RGS6: variants seen among roughly 807,000 people sequenced by gnomAD.
RGS6 encodes regulator of G-protein signaling 6.
Under a neutral mutation model 78.5 loss-of-function variants are expected in RGS6, and 30 were observed. That is an observed-to-expected ratio of 0.38 (90% CI 0.29 to 0.52). The LOEUF (loss-of-function observed/expected upper bound fraction) is 0.52, where lower values mean the gene tolerates loss of function less well. RGS6 is among the 20% of genes least tolerant of loss of function. The pLI is 0.85. For missense variants in RGS6, 495 were observed against 609.7 expected (o/e 0.81, Z 1.98); for synonymous variants, 206 against 206.0 (o/e 1.00, Z 0.00).
At chr14:72,029,282 C>T (rs2090446587) in intron 2 of RGS6, among the ~76,000 whole-genome samples, 1 of 152,206 alleles carries the variant, frequency 6.6e-6, no homozygotes, top group African/African-American at 2.4e-5. Flanking sequence ...AGAACTTGTA[C>T]AACAGTGGCC....
intron 3 of RGS6, among the ~76,000 whole-genome samples, chr14:72,411,044 T>C (rs1052017760): frequency 3.3e-5 from 5 of 152,152 alleles, no homozygotes; most frequent in South Asian, 2.1e-4. Flanking sequence ...ATTGACTTGG[T>C]AATGCGGGCT....
chr14:72,156,473 A>T (rs2096773263), intron 2 of RGS6, among the ~76,000 whole-genome samples: 1 of 151,692 alleles, frequency 6.6e-6, no homozygotes, highest in South Asian at 2.1e-4. Context: ...AAAAAAAAAA[A>T]AAAAATAGTG....
chr14:72,410,789 CT>C (rs2093351370), intron 3 of RGS6, among the ~76,000 whole-genome samples: 1 of 152,210 alleles, frequency 6.6e-6, no homozygotes, highest in Non-Finnish European at 1.5e-5. Flanking sequence ...CTACATATGG[CT>C]AGCCAGTTTT....
chr14:72,546,605 C>A (rs901683564), intron 17 of RGS6, among the ~76,000 whole-genome samples: 1 of 152,212 alleles, frequency 6.6e-6, no homozygotes, highest in Non-Finnish European at 1.5e-5. Flanking sequence ...GACTCACCTT[C>A]TGGACATGTG....
the RGS6 span, among the ~76,000 whole-genome samples, chr14:71,899,606 C>A: frequency 6.6e-6 from 1 of 152,204 alleles, no homozygotes; most frequent in Non-Finnish European, 1.5e-5. Context: ...CAGGCCTAAA[C>A]CAATCAATAT....
intron 2 of RGS6, among the ~76,000 whole-genome samples, chr14:72,108,624 T>A (rs1265464354): frequency 6.6e-6 from 1 of 152,010 alleles, no homozygotes; most frequent in African/African-American, 2.4e-5. Context: ...TTTTGATTTT[T>A]TTAAAAAAAT....
chr14:72,520,106 A>G (rs2097013943), intron 15 of RGS6, among the ~76,000 whole-genome samples: 1 of 152,160 alleles, frequency 6.6e-6, no homozygotes, highest in Non-Finnish European at 1.5e-5. Flanking sequence ...TTACTTTACA[A>G]CAAATCCAAG....
At chr14:72,498,141 TTAA>T (rs562779242) in intron 13 of RGS6, among the ~76,000 whole-genome samples, 1 of 152,200 alleles carries the variant, frequency 6.6e-6, no homozygotes, top group Admixed American at 6.5e-5. Context: ...CCAAGACTTC[TTAA>T]TACTTCTTGG....
chr14:72,243,171 G>A (rs1454958273), intron 2 of RGS6, among the ~76,000 whole-genome samples: 2 of 152,114 alleles, frequency 1.3e-5, no homozygotes, highest in Admixed American at 1.3e-4. Context: ...TTTCTTTCAA[G>A]TCACAGTCAT....
chr14:72,539,035 G>A (rs901961876), intron 16 of RGS6, among the ~76,000 whole-genome samples: 24 of 152,128 alleles, frequency 1.6e-4, no homozygotes, highest in Non-Finnish European at 1.5e-4. Context: ...TCTCAGCCTC[G>A]GGCTCAGGAC....
rs767452040 is a variant in RGS6, at chr14:72,476,743, C to G, written c.695C>G (p.Ser232Cys). 6.2e-7 allele frequency: 1 copy of G among 1,613,898 alleles called. No homozygotes were observed. The highest frequency in any genetic ancestry group is 1.1e-5 in the South Asian group (1 of 91,026). The change falls in exon 11 of 18, where the codon TCC becomes TGC. Residue 232 changes from serine (S) to cysteine (C), a missense_variant and splice_region_variant. Coordinates refer to ENST00000553525, the MANE Select transcript of RGS6 (RefSeq NM_001204424.2). ...RLKNPQKVKK[S>C]VYGVTEESQA... ...CTCTGTGCTTGCTTCTTCTCCTAGT[C>G]CGTGTATGGCGTGACTGAAGAGTCC...
intron 2 of RGS6, among the ~76,000 whole-genome samples, chr14:72,000,930 G>A (rs982613823): frequency 6.6e-6 from 1 of 152,168 alleles, no homozygotes; most frequent in African/African-American, 2.4e-5. Context: ...ATTCTTCAGT[G>A]CCAGAAGACC....
intron 12 of RGS6, among the ~76,000 whole-genome samples, chr14:72,488,990 C>A (rs1355185553): frequency 6.6e-6 from 1 of 152,178 alleles, no homozygotes; most frequent in Non-Finnish European, 1.5e-5. Flanking sequence ...TCAGGGAAAT[C>A]TATTTCTGGT....
chr14:72,415,907 C>T (rs533475379), intron 3 of RGS6, among the ~76,000 whole-genome samples: 8 of 152,136 alleles, frequency 5.3e-5, no homozygotes, highest in South Asian at 2.1e-4. Context: ...CCCAGCACTT[C>T]GGGAGGCCAA....
rs202093210 is a variant in RGS6, at chr14:72,033,440, G to GC, written c.84+68569dup. ...TGTAGAGATGGGGTCTCACTATGTT[G>GC]CCCCAGCTGGTCTGGAACTCCTGGG... is the stretch of plus-strand genomic sequence containing the variant. On this transcript the variant is annotated intron_variant, in intron 2 of 17. Coordinates refer to ENST00000553525, the MANE Select transcript of RGS6 (RefSeq NM_001204424.2). Among the ~76,000 whole-genome samples, 830 of 152,052 alleles carry GC rather than the reference G, an allele frequency of 5.5e-3. 13 individuals carry two copies. The highest frequency in any genetic ancestry group is 0.019 in the African/African-American group (789 of 41,466).
At chr14:72,590,349 G>A in the RGS6 span, among the ~76,000 whole-genome samples, 1 of 152,314 alleles carries the variant, frequency 6.6e-6, no homozygotes, top group African/African-American at 2.4e-5. Flanking sequence ...AGGCATCACA[G>A]CTTTATTCAT....
chr14:72,450,983 CG>C (rs2095478516), intron 3 of RGS6, among the ~76,000 whole-genome samples: 1 of 152,208 alleles, frequency 6.6e-6, no homozygotes, highest in Non-Finnish European at 1.5e-5. Context: ...CTCCCTGCCA[CG>C]GGCTGGAGGC....
At chr14:72,069,294 T>C (rs988808271) in intron 2 of RGS6, among the ~76,000 whole-genome samples, 1 of 152,112 alleles carries the variant, frequency 6.6e-6, no homozygotes, top group Non-Finnish European at 1.5e-5. Context: ...AGGTTGATAT[T>C]TTTTTTCTCA....
At chr14:72,113,879 C>T (rs555074250) in intron 2 of RGS6, among the ~76,000 whole-genome samples, 87 of 152,188 alleles carry the variant, frequency 5.7e-4, no homozygotes, top group African/African-American at 1.6e-3. Context: ...AGGGAATGGA[C>T]GCAGAGAGGG....
Sources: gnomAD v4.1 joint callset for allele counts (sites outside exome capture counted in the v4.1 genomes callset) on GRCh38, gnomAD v4.1.1 for gene constraint, MANE v1.5 for transcripts, NCBI Gene and HGNC (gene_info 2026-07-23, HGNC 2026-07-21) for gene names.